MLIP: variants seen among roughly 807,000 people sequenced by gnomAD.
The protein encoded by MLIP is muscular LMNA interacting protein, also known as muscular LMNA-interacting protein.
Under a neutral mutation model 84.8 loss-of-function variants are expected in MLIP, and 79 were observed. That is an observed-to-expected ratio of 0.93 (90% CI 0.78 to 1.12). The LOEUF (loss-of-function observed/expected upper bound fraction) is 1.12. Ranked by LOEUF, MLIP falls within the 50% of genes most tolerant of loss-of-function variation. MLIP has a pLI of 0.00. For missense variants in MLIP, 1,257 were observed against 1,160.6 expected, an observed-to-expected ratio of 1.08 and a Z score of -1.21; for synonymous variants, 504 against 463.0, an observed-to-expected ratio of 1.09 and a Z score of -1.14.
Position 54,140,244 on chromosome 6 carries a change from C to T in MLIP, c.2217+1958C>T, listed in dbSNP as rs190503308. ...CAAAGCATTTCTATGTGTGTTTCAC[C>T]ACACTTTATGTTTTCTCCTGTTTTG... On this transcript the variant is annotated intron_variant, in intron 4 of 13. Transcript: ENST00000502396. 4.6e-3 allele frequency among the ~76,000 whole-genome samples: 699 copies of T among 152,070 alleles called. 6 individuals carry two copies. Among genetic ancestry groups the T allele is most frequent in the African/African-American group, 0.016 (657 of 41,488 alleles).
chr6:54,184,559 A>AG (rs1365469821), intron 9 of MLIP, among the ~76,000 whole-genome samples: 1 of 152,186 alleles, frequency 6.6e-6, no homozygotes, highest in African/African-American at 2.4e-5. Flanking sequence ...GGAGATGAAA[A>AG]GGTTTCTCCA....
chr6:54,156,088 G>T (rs1202011058), intron 5 of MLIP, among the ~76,000 whole-genome samples: 1 of 151,910 alleles, frequency 6.6e-6, no homozygotes, highest in Admixed American at 6.6e-5. Flanking sequence ...GCAATCTCTG[G>T]TCAGAATTCT....
chr6:54,231,438 G>A (rs904131250), intron 12 of MLIP, among the ~76,000 whole-genome samples: 1 of 151,464 alleles, frequency 6.6e-6, no homozygotes, highest in African/African-American at 2.4e-5. Flanking sequence ...AAAAAATAAT[G>A]AAGTGTTTCG....
chr6:54,148,859 G>T (rs1020992778), intron 4 of MLIP, among the ~76,000 whole-genome samples, 197 bp from the exon 5 acceptor site: 1 of 152,064 alleles, frequency 6.6e-6, no homozygotes, highest in Admixed American at 6.5e-5. Flanking sequence ...ATTTTACTGT[G>T]GCATTTCTTC....
intron 7 of MLIP, 51 bp from the exon 8 acceptor site, chr6:54,160,689 T>C (rs749754700): frequency 6.7e-7 from 1 of 1,491,092 alleles, no homozygotes; most frequent in Admixed American, 1.7e-5. Flanking sequence ...CACAGGCTTG[T>C]CCTTTTCTTT....
At chr6:54,243,465 G>A (rs988906627) in intron 12 of MLIP, among the ~76,000 whole-genome samples, 2 of 152,166 alleles carry the variant, frequency 1.3e-5, no homozygotes, top group East Asian at 3.9e-4. Context: ...GGGGGAAAAA[G>A]CAGGGAGTGA....
At chr6:54,111,688 T>C (rs1769479067) in intron 1 of MLIP, 113 bp downstream of exon 1, 8 of 1,092,650 alleles carry the variant, frequency 7.3e-6, no homozygotes, top group Non-Finnish European at 9.1e-6. Context: ...GATAAATTTG[T>C]ATGTATATTG....
At chr6:54,249,193 C>T (rs1032833826) in intron 12 of MLIP, among the ~76,000 whole-genome samples, 1 of 151,812 alleles carries the variant, frequency 6.6e-6, no homozygotes, top group Admixed American at 6.6e-5. Flanking sequence ...AATGAATTAT[C>T]CAAGTAAAAG....
At chr6:54,203,930 AC>A (rs2150720715) in intron 11 of MLIP, 1 of 152,314 alleles carries the variant, frequency 6.6e-6, no homozygotes, top group Non-Finnish European at 1.5e-5. Context: ...CAGATTAGGT[AC>A]CTTTTAAGGA....
intron 9 of MLIP, among the ~76,000 whole-genome samples, chr6:54,184,229 A>T (rs541571233): frequency 6.6e-4 from 101 of 152,300 alleles, no homozygotes; most frequent in African/African-American, 2.2e-3. Flanking sequence ...GTCAACAGAG[A>T]AAAAGGGAAA....
At chr6:54,038,338 G>C (rs947557273) in intron 1 of MLIP, among the ~76,000 whole-genome samples, 1 of 151,888 alleles carries the variant, frequency 6.6e-6, no homozygotes, top group Admixed American at 6.6e-5. Flanking sequence ...TTCTCTAGGA[G>C]GCTGATGTCA....
At chr6:54,156,857 G>T (rs987192670) in intron 5 of MLIP, among the ~76,000 whole-genome samples, 16 of 152,086 alleles carry the variant, frequency 1.1e-4, no homozygotes, top group Admixed American at 1.0e-3. Flanking sequence ...TAAAGATATA[G>T]TTTAAAAAGT....
Position 54,234,737 on chromosome 6 carries a change from A to G in MLIP, c.2922+3820A>G, listed in dbSNP as rs1468892584. Among the ~76,000 whole-genome samples the G allele has an allele frequency of 2.0e-5, 3 of 152,164 alleles. No individual in the cohort carries two copies. In the East Asian group the frequency reaches 5.8e-4, roughly 29 times the overall value. ...TCAGCTGAATTTCCTGACACAGTTG[A>G]TCATTTCCTCTTGCATTTCTCTCCT... On this transcript the variant is annotated intron_variant, in intron 12 of 13. Coordinates refer to ENST00000502396, the MANE Select transcript of MLIP (RefSeq NM_001281747.2).
chr6:54,185,259 A>C (rs562825283), intron 9 of MLIP, among the ~76,000 whole-genome samples: 1 of 152,308 alleles, frequency 6.6e-6, no homozygotes, highest in East Asian at 1.9e-4. Context: ...TAAAACATAT[A>C]AGTCACTATT....
intron 12 of MLIP, among the ~76,000 whole-genome samples, chr6:54,254,279 A>C (rs1481384760): frequency 5.3e-5 from 8 of 151,514 alleles, no homozygotes; most frequent in Admixed American, 5.3e-4. Flanking sequence ...GACGCACACC[A>C]CCATGCCCAG....
Position 54,256,216 on chromosome 6 carries a change from C to T in MLIP, c.2923-1092C>T, listed in dbSNP as rs190480799. Among the ~76,000 whole-genome samples the T allele has an allele frequency of 5.3e-5, 8 of 152,280 alleles. No individual in the cohort carries two copies. In the East Asian group the frequency reaches 1.2e-3, roughly 22 times the overall value. On this transcript the variant is annotated intron_variant, in intron 12 of 13. Transcript: ENST00000502396. Reference sequence around the variant, plus strand: ...AGCTATAACTTTAAACAAAAACTGGCTCCATTCTTGAATGTCTGTTGGAAC... The same window carrying T: ...AGCTATAACTTTAAACAAAAACTGGTTCCATTCTTGAATGTCTGTTGGAAC...
chr6:54,250,665 C>G lies in MLIP; in HGVS notation c.2923-6643C>G, dbSNP rs552425857. Among the ~76,000 whole-genome samples, 30 of 152,242 alleles carry G rather than the reference C, an allele frequency of 2.0e-4. 1 individual carries two copies. Among genetic ancestry groups the G allele is most frequent in the Admixed American group, 1.9e-3 (29 of 15,264 alleles). ...CATACAAATTCCTCATAGTAATTCT[C>G]TGTCCTCAGTTTCTGACATCTCTCT... On this transcript the variant is annotated intron_variant, in intron 12 of 13. Transcript: ENST00000502396.
At chr6:54,216,035 T>C (rs984702720) in intron 11 of MLIP, 3 of 441,792 alleles carry the variant, frequency 6.8e-6, no homozygotes, top group Non-Finnish European at 9.0e-6. Flanking sequence ...TAATATTTCA[T>C]TGTTTAACAC....
intron 11 of MLIP, among the ~76,000 whole-genome samples, chr6:54,218,453 A>G (rs942541843): frequency 6.6e-6 from 1 of 152,212 alleles, no homozygotes; most frequent in South Asian, 2.1e-4. Flanking sequence ...AGTGGTGAGT[A>G]TATGTGAAGG....
Sources: gnomAD v4.1 joint callset for allele counts (sites outside exome capture counted in the v4.1 genomes callset) on GRCh38, gnomAD v4.1.1 for gene constraint, MANE v1.5 for transcripts, NCBI Gene and HGNC (gene_info 2026-07-23, HGNC 2026-07-21) for gene names.